Variants in MCM8 observed in about 807,000 individuals in gnomAD.
MCM8 encodes the protein DNA helicase MCM8.
In MCM8, 85 loss-of-function variants were observed where a neutral mutation model predicts 98.9. The ratio of observed to expected loss-of-function variants is 0.86; its 90% CI spans 0.72 to 1.03. The LOEUF (loss-of-function observed/expected upper bound fraction) is 1.03. Among genes scored for constraint, MCM8 ranks in the 50% least tolerant of loss-of-function variants. The pLI is 0.00. For missense variants in MCM8, 951 were observed against 997.8 expected (o/e 0.95, Z 0.63); for synonymous variants, 352 against 338.6 (o/e 1.04, Z -0.44).
intron 12 of MCM8, among the ~76,000 whole-genome samples, chr20:5,976,543 A>G (rs1163141261): frequency 1.9e-4 from 29 of 152,212 alleles, no homozygotes; most frequent in Admixed American, 1.9e-3. Context: ...AGTTAAAAAA[A>G]TTAATTGGTT....
In MCM8 at chr20:5,967,734, T is replaced by C. The variant is rs2089306682; in HGVS notation, c.1028-96T>C. The C allele has an allele frequency of 3.0e-6, 4 of 1,348,680 alleles. No homozygotes were observed. The African/African-American group carries it at 4.4e-5, about 15-fold the overall frequency. The allele number at this position is 1,348,680 out of a possible 1,614,324, so 83.5% of individuals were successfully genotyped here. A position where few individuals can be genotyped will look rare whatever the true frequency, so the allele number is the denominator to read the frequency against. ...ACATTCCCTTTTAAAAAAACATGTA[T>C]TTGTAGCTCCCTATGACTTTGTTTT... On this transcript the variant is annotated intron_variant, in intron 9 of 18. Coordinates refer to ENST00000610722, the MANE Select transcript of MCM8 (RefSeq NM_032485.6).
intron 5 of MCM8, 35 bp downstream of exon 5, chr20:5,955,286 C>CT (rs747999294): frequency 1.3e-6 from 2 of 1,595,354 alleles, no homozygotes; most frequent in Non-Finnish European, 1.7e-6. Context: ...TTTGTCTAAA[C>CT]TTTTTTAATG....
intron 12 of MCM8, among the ~76,000 whole-genome samples, chr20:5,975,402 G>A (rs1218882469): frequency 3.9e-5 from 6 of 151,974 alleles, no homozygotes; most frequent in Non-Finnish European, 5.9e-5. Flanking sequence ...TGAATTATAG[G>A]TGGGAGCCTG....
In MCM8 at chr20:5,952,014, A is replaced by C. The variant is rs777215727; in HGVS notation, c.-2A>C. The C allele has an allele frequency of 4.4e-6, 7 of 1,608,714 alleles. No individual in the cohort carries two copies. In the South Asian group the frequency reaches 6.6e-5, roughly 15 times the overall value. On this transcript the variant is annotated 5_prime_UTR_variant, in exon 2 of 19. Coordinates refer to ENST00000610722, the MANE Select transcript of MCM8 (RefSeq NM_032485.6). ...CTTTTTAATATCTATCTTTTAGGAG[A>C]GATGAATGGAGAGTATAGAGGCAGA...
At position 5,958,649 on chromosome 20, in the gene MCM8, A is replaced by G. The variant is rs1186755705; in HGVS notation, c.712A>G (p.Met238Val). 17 of 1,613,984 alleles carry G rather than the reference A, an allele frequency of 1.1e-5. No homozygotes were observed. In the African/African-American group the frequency reaches 1.7e-4, roughly 16 times the overall value. ...TAATATAAAGCCTCTTTGCACCAAGATGGCTTTTCTTTGTGCTGCATGTGG... is the reference window on the plus strand; with the variant it reads ...TAATATAAAGCCTCTTTGCACCAAGGTGGCTTTTCTTTGTGCTGCATGTGG... Reference protein sequence around the residue: ...VSNIKPLCTKMAFLCAACGEI... With the variant: ...VSNIKPLCTKVAFLCAACGEI... The change falls in exon 7 of 19, where the codon ATG becomes GTG. Residue 238 changes from methionine to valine, a missense_variant. Met to Val is a conservative substitution (Grantham distance 21). Transcript: ENST00000610722.
chr20:5,950,652 C>G lies in MCM8; in HGVS notation c.-377C>G, dbSNP rs761418425. On this transcript the variant is annotated 5_prime_UTR_variant, in exon 1 of 19. Coordinates refer to ENST00000610722, the MANE Select transcript of MCM8 (RefSeq NM_032485.6). ...CCCCGCCCCTCTCGTCTTGCCGCTT[C>G]TTTGAGCGGAAGTTGGATCACTGAA... The G allele has an allele frequency of 2.5e-6, 1 of 405,210 alleles. No individual in the cohort carries two copies. Among genetic ancestry groups the G allele is most frequent in the Non-Finnish European group, 4.4e-6 (1 of 226,554 alleles). 25.1% of individuals were successfully genotyped at this position (405,210 alleles called of 1,614,324 possible).
rs1362798804 is a variant in MCM8 at position 5,997,587 on chromosome 20, C to T, written c.*3196C>T. On this transcript the variant is annotated 3_prime_UTR_variant, in exon 19 of 19. Transcript: ENST00000610722. Reference sequence around the variant, plus strand: ...ACCTCAGCCTCCTGAATAGCTGAGACTACAGGCATGCACCACTACACCTGG... The same window carrying T: ...ACCTCAGCCTCCTGAATAGCTGAGATTACAGGCATGCACCACTACACCTGG... 6.6e-6 allele frequency: 1 copy of T among 152,554 alleles called. No homozygotes were observed. Among genetic ancestry groups the T allele is most frequent in the African/African-American group, 2.4e-5 (1 of 41,436 alleles). The allele number at this position is 152,554 out of a possible 1,614,324, so 9.5% of individuals were successfully genotyped here.
At chr20:5,972,187 C>CTATAGCT in intron 11 of MCM8, 150 bp downstream of exon 11, 1 of 494,758 alleles carries the variant, frequency 2.0e-6, no homozygotes, top group East Asian at 3.8e-5. Flanking sequence ...GGCAAGCAAA[C>CTATAGCT]TATAGCTTTT....
intron 12 of MCM8, among the ~76,000 whole-genome samples, chr20:5,974,123 C>T (rs1015725693): frequency 6.6e-6 from 1 of 152,028 alleles, no homozygotes; most frequent in African/African-American, 2.4e-5. Context: ...GTAAGCCAGC[C>T]GTAATGTGCT....
chr20:5,969,247 T>C (rs868681486), intron 10 of MCM8, among the ~76,000 whole-genome samples: 114 of 152,134 alleles, frequency 7.5e-4, no homozygotes, highest in African/African-American at 2.7e-3. Flanking sequence ...ATAATAGATA[T>C]ATCTAAGAGA....
At chr20:5,963,783 G>T (rs966625817) in intron 8 of MCM8, among the ~76,000 whole-genome samples, 7 of 152,084 alleles carry the variant, frequency 4.6e-5, no homozygotes, top group Admixed American at 3.3e-4. Flanking sequence ...TGATCTGCCC[G>T]CCTCAGCCTC....
Position 5,986,058 on chromosome 20 carries a change from G to C in MCM8, c.2090G>C (p.Arg697Pro), listed in dbSNP as rs144824405. The change falls in exon 16 of 19, where the codon CGG (arginine) becomes CCG (proline). Residue 697 changes from arginine (R) to proline (P), a missense_variant. By Grantham distance (103) the Arg-to-Pro change is moderately radical. Coordinates refer to ENST00000610722, the MANE Select transcript of MCM8 (RefSeq NM_032485.6). ...RVLQDFYLEL[R>P]KQSQRLNSSP... ...CTTCAAGATTTTTACCTTGAGCTCC[G>C]GAAACAGAGCCAGAGGTTAAATAGC... The C allele has an allele frequency of 6.2e-7, 1 of 1,614,144 alleles. No individual in the cohort carries two copies. The highest frequency in any genetic ancestry group is 8.5e-7 in the Non-Finnish European group (1 of 1,180,028).
At chr20:5,986,874 T>C (rs2089744941) in intron 16 of MCM8, among the ~76,000 whole-genome samples, 1 of 152,216 alleles carries the variant, frequency 6.6e-6, no homozygotes, top group Non-Finnish European at 1.5e-5. Context: ...TCACCTAGGC[T>C]GGAGTTCAGT....
intron 10 of MCM8, among the ~76,000 whole-genome samples, chr20:5,970,872 A>G (rs745573386): frequency 2.6e-5 from 4 of 152,124 alleles, no homozygotes; most frequent in African/African-American, 4.8e-5. Flanking sequence ...GCCGTGGCAC[A>G]ATCAGAGCTC....
At chr20:5,988,812 A>G (rs73087177) in intron 17 of MCM8, among the ~76,000 whole-genome samples, 2,681 of 152,318 alleles carry the variant, frequency 0.018, 53 homozygotes, top group Admixed American at 0.056. Context: ...CTTTTGTCCT[A>G]GTAGCTGCTG....
rs376136067 is a variant in MCM8, at chr20:5,985,995, A to T, written c.2027A>T (p.Tyr676Phe). ...LRKYIGYARQ[Y>F]VYPRLSTEAA... ...AAGTACATTGGCTATGCTCGGCAGT[A>T]TGTGTACCCAAGGCTATCCACAGAA... The change falls in exon 16 of 19, where the codon TAT (tyrosine) becomes TTT (phenylalanine). Residue 676 changes from tyrosine (Y) to phenylalanine (F), a missense_variant. Tyr to Phe is a conservative substitution (Grantham distance 22, BLOSUM62 3). Coordinates refer to ENST00000610722, the MANE Select transcript of MCM8 (RefSeq NM_032485.6). The T allele has an allele frequency of 5.6e-6, 9 of 1,614,114 alleles. No individual in the cohort carries two copies. Among genetic ancestry groups the T allele is most frequent in the African/African-American group, 1.3e-5 (1 of 74,952 alleles).
At chr20:5,976,023 C>T (rs768840758) in intron 12 of MCM8, among the ~76,000 whole-genome samples, 13 of 152,100 alleles carry the variant, frequency 8.5e-5, no homozygotes, top group African/African-American at 2.7e-4. Context: ...TTTTTAAAAA[C>T]GAGACTAACA....
In MCM8 at chr20:5,987,273, C is replaced by G; in HGVS notation, c.2164-9C>G. The G allele has an allele frequency of 6.2e-7, 1 of 1,610,908 alleles. No individual in the cohort carries two copies. Among genetic ancestry groups the G allele is most frequent in the Non-Finnish European group, 8.5e-7 (1 of 1,178,644 alleles). The stretch of plus-strand genomic sequence containing the variant: ...TTTCGTCATCTGAAAATGGTGTTTT[C>G]TTTTAAAGGCACGAGCAAGGTTGGA... On this transcript the variant is annotated splice_polypyrimidine_tract_variant and intron_variant, in intron 16 of 18. Coordinates refer to ENST00000610722, the MANE Select transcript of MCM8 (RefSeq NM_032485.6).
Position 5,952,479 on chromosome 20 carries a change from A to G in MCM8, c.204A>G (p.Thr68=), listed in dbSNP as rs1428582591. The G allele has an allele frequency of 1.9e-6, 3 of 1,613,966 alleles. No individual in the cohort carries two copies. Among genetic ancestry groups the G allele is most frequent in the Non-Finnish European group, 2.5e-6 (3 of 1,180,008 alleles). ...STKTPQSMQS[T]LDRFIPYKGW... is the part of the protein sequence containing the mutation. ...AGACCCCACAGTCAATGCAGTCAAC[A>G]TTGGATCGATTCATACCATATAAAG... Residue 68 remains threonine, a synonymous_variant, in exon 3 of 19, where the codon ACA becomes ACG. Coordinates refer to ENST00000610722, the MANE Select transcript of MCM8 (RefSeq NM_032485.6).
Sources: allele counts gnomAD v4.1 joint callset (sites outside exome capture counted in the v4.1 genomes callset), GRCh38; gene constraint gnomAD v4.1.1; transcripts MANE v1.5; gene names NCBI Gene and HGNC (gene_info 2026-07-23, HGNC 2026-07-21).